Variants in NPPA observed in about 807,000 individuals in gnomAD.
NPPA encodes natriuretic peptide A.
In NPPA, 10 loss-of-function variants were observed where a neutral mutation model predicts 12.2. The observed-to-expected ratio is 0.82, with a 90% CI of 0.50 to 1.38. NPPA has a LOEUF of 1.38. NPPA is among the 40% of genes most tolerant of loss of function. The probability of loss-of-function intolerance (pLI) is 0.00; values close to 1 mark genes in which losing one functional copy is unlikely to be tolerated. For synonymous variants in NPPA, 85 were observed against 80.2 expected, an observed-to-expected ratio of 1.06 and a Z score of -0.32; for missense variants, 207 against 193.5, an observed-to-expected ratio of 1.07 and a Z score of -0.41.
Position 11,847,222 on chromosome 1 carries a change from T to C in NPPA, c.341A>G (p.Lys114Arg), listed in dbSNP as rs1253492578. ...AGGGGCAGTGAGCAGCGCCCTCAGC[T>C]TGCTTTTTAGGAGGGCAGATCGATC... Reference protein sequence around the residue: ...SSDRSALLKSKLRALLTAPRS... With the variant: ...SSDRSALLKSRLRALLTAPRS... The change falls in exon 2 of 3, where the codon AAG (lysine) becomes AGG (arginine). Residue 114 changes from lysine (K) to arginine (R), a missense_variant. By Grantham distance (26) the Lys-to-Arg change is conservative. Coordinates refer to ENST00000376480, the MANE Select transcript of NPPA (RefSeq NM_006172.4). 2 of 1,612,022 alleles carry C rather than the reference T, an allele frequency of 1.2e-6. No individual in the cohort carries two copies. The highest frequency in any genetic ancestry group is 3.3e-5 in the Admixed American group (2 of 59,948).
At position 11,847,657 on chromosome 1, in the gene NPPA, T is replaced by G. The variant is rs1645079317; in HGVS notation, c.28A>C (p.Ser10Arg). 6.2e-7 allele frequency: 1 copy of G among 1,614,080 alleles called. No homozygotes were observed. Among genetic ancestry groups the G allele is most frequent in the South Asian group, 1.1e-5 (1 of 91,068 alleles). MSSFSTTTV[S>R]FLLLLAFQLL... is the part of the protein sequence containing the mutation. Reference sequence around the variant, plus strand: ...TGGAATGCCAGTAAAAGGAGGAAGCTCACGGTGGTGGTGGAGAAGGAGCTC... The same window carrying G: ...TGGAATGCCAGTAAAAGGAGGAAGCGCACGGTGGTGGTGGAGAAGGAGCTC... The change falls in exon 1 of 3, where the codon AGC (serine) becomes CGC (arginine). Residue 10 changes from serine to arginine, a missense_variant. Ser to Arg is a moderately radical substitution (Grantham distance 110). Coordinates refer to ENST00000376480, the MANE Select transcript of NPPA (RefSeq NM_006172.4).
At position 11,847,094 on chromosome 1, in the gene NPPA, C is replaced by A; in HGVS notation, c.450+19G>T. 1 of 1,517,216 alleles carries A rather than the reference C, an allele frequency of 6.6e-7. No homozygotes were observed. 94.0% of individuals were successfully genotyped at this position (1,517,216 alleles called of 1,614,324 possible). A position where few individuals can be genotyped will look rare whatever the true frequency, so the allele number is the denominator to read the frequency against. Reference sequence around the variant, plus strand: ...AGTAGTGTCCATCCCATCCCATTTCCATCCCCAGTTCCTCTTACCCGGAAG... The same window carrying A: ...AGTAGTGTCCATCCCATCCCATTTCAATCCCCAGTTCCTCTTACCCGGAAG... On this transcript the variant is annotated intron_variant, in intron 2 of 2. Coordinates refer to ENST00000376480, the MANE Select transcript of NPPA (RefSeq NM_006172.4).
Position 11,847,213 on chromosome 1 carries a change from G to T in NPPA, c.350C>A (p.Ala117Glu), listed in dbSNP as rs72639212. 1 of 1,611,314 alleles carries T rather than the reference G, an allele frequency of 6.2e-7. No homozygotes were observed. The highest frequency in any genetic ancestry group is 8.5e-7 in the Non-Finnish European group (1 of 1,177,836). The change falls in exon 2 of 3, where the codon GCG (alanine) becomes GAG (glutamate). Residue 117 changes from alanine to glutamate, a missense_variant. Coordinates refer to ENST00000376480, the MANE Select transcript of NPPA (RefSeq NM_006172.4). ...CAGGCTCCGAGGGGCAGTGAGCAGC[G>T]CCCTCAGCTTGCTTTTTAGGAGGGC... ...RSALLKSKLR[A>E]LLTAPRSLRR...
intron 2 of NPPA, among the ~76,000 whole-genome samples, chr1:11,846,779 C>G (rs1645071543): frequency 6.6e-6 from 1 of 151,432 alleles, no homozygotes; most frequent in Non-Finnish European, 1.5e-5. Flanking sequence ...CCACACCCAG[C>G]TAATTTTTGT....
At position 11,847,310 on chromosome 1, in the gene NPPA, C is replaced by T. The variant is rs749353276; in HGVS notation, c.253G>A (p.Gly85Arg). ...SPLPEVPPWT[G>R]EVSPAQRDGG... The stretch of plus-strand genomic sequence containing the variant: ...TCTCTCTGGGCTGGGCTGACTTCCC[C>T]GGTCCAGGGAGGCACCTCAGGGAGG... Residue 85 changes from glycine to arginine, a missense_variant, in exon 2 of 3, where the codon GGG becomes AGG. Transcript: ENST00000376480. 32 of 1,613,428 alleles carry T rather than the reference C, an allele frequency of 2.0e-5. No individual in the cohort carries two copies. The highest frequency in any genetic ancestry group is 1.7e-4 in the Admixed American group (10 of 59,980).
intron 2 of NPPA, among the ~76,000 whole-genome samples, chr1:11,846,658 T>C (rs1645070872): frequency 1.6e-5 from 2 of 127,586 alleles, no homozygotes; most frequent in South Asian, 2.7e-4. Flanking sequence ...CTCTATCACC[T>C]AGGCTGGACT....
At position 11,845,755 on chromosome 1, in the gene NPPA, T is replaced by C. The variant is rs1156729224; in HGVS notation, c.*254A>G. ...TGAAGTTTATTCACTTTCAAACCAC[T>C]TTCAGTAACAGGTGAGGTTCTACCT... On this transcript the variant is annotated 3_prime_UTR_variant, in exon 3 of 3. Coordinates refer to ENST00000376480, the MANE Select transcript of NPPA (RefSeq NM_006172.4). The C allele has an allele frequency of 1.8e-6, 1 of 557,910 alleles. No individual in the cohort carries two copies. The highest frequency in any genetic ancestry group is 3.0e-5 in the Admixed American group (1 of 33,468). The allele number at this position is 557,910 out of a possible 1,614,324, so 34.6% of individuals were successfully genotyped here.
chr1:11,847,514 A>C (rs1470144332), intron 1 of NPPA, 48 bp downstream of exon 1: 18 of 1,614,084 alleles, frequency 1.1e-5, no homozygotes, highest in Non-Finnish European at 1.4e-5. Context: ...TGAGCACAGC[A>C]TCAGAAAGCC....
Position 11,847,358 on chromosome 1 carries a change from C to T in NPPA, c.205G>A (p.Glu69Lys), listed in dbSNP as rs1645076326. Residue 69 changes from glutamate to lysine, a missense_variant, in exon 2 of 3, where the codon GAA becomes AAA. Coordinates refer to ENST00000376480, the MANE Select transcript of NPPA (RefSeq NM_006172.4). ...AGGGGGCTGAGAGCAGCCCCCGCTTCTTCATTCGGCTCACTGAGCACTTGT... is the reference window on the plus strand; with the variant it reads ...AGGGGGCTGAGAGCAGCCCCCGCTTTTTCATTCGGCTCACTGAGCACTTGT... ...PPQVLSEPNE[E>K]AGAALSPLPE... is the part of the protein sequence containing the mutation. 2 of 1,613,760 alleles carry T rather than the reference C, an allele frequency of 1.2e-6. No homozygotes were observed. Among genetic ancestry groups the T allele is most frequent in the Admixed American group, 1.7e-5 (1 of 59,956 alleles).
rs70987207 is a variant in NPPA at position 11,846,619 on chromosome 1, C to CTTTTTTT, written c.450+487_450+493dup. 5.1e-4 allele frequency among the ~76,000 whole-genome samples: 57 copies of CTTTTTTT among 111,710 alleles called. 6 individuals carry two copies. The highest frequency in any genetic ancestry group is 6.2e-3 in the Middle Eastern group (1 of 162). 73.3% of individuals were successfully genotyped at this position (111,710 alleles called of 152,430 possible). ...ACAGGCGTGAGCCACCGTGCCTGGC[C>CTTTTTTT]TTTTTTTTTTTTTTTTGAGACAGTC... On this transcript the variant is annotated intron_variant, in intron 2 of 2. Transcript: ENST00000376480.
chr1:11,847,775 C>T lies in NPPA; in HGVS notation c.-91G>A, dbSNP rs1645080379. On this transcript the variant is annotated 5_prime_UTR_variant, in exon 1 of 3. Coordinates refer to ENST00000376480, the MANE Select transcript of NPPA (RefSeq NM_006172.4). ...TTCCCCTCTCTTGGCCTACGTCTGTCCCTGTCTCCCAGCTGCCCAGTGCCG... is the reference window on the plus strand; with the variant it reads ...TTCCCCTCTCTTGGCCTACGTCTGTTCCTGTCTCCCAGCTGCCCAGTGCCG... 24 of 1,589,266 alleles carry T rather than the reference C, an allele frequency of 1.5e-5. 1 individual carries two copies. The South Asian group carries it at 2.5e-4, about 17-fold the overall frequency.
chr1:11,847,455 A>T lies in NPPA; in HGVS notation c.124-16T>A, dbSNP rs1467773587. ...CCAGCAAATTCTTTAGAAAAGGAAA[A>T]TACAGGGAAAGGGATAAACCTCACT... On this transcript the variant is annotated splice_polypyrimidine_tract_variant and intron_variant, in intron 1 of 2. Transcript: ENST00000376480. 1 of 1,614,114 alleles carries T rather than the reference A, an allele frequency of 6.2e-7. No individual in the cohort carries two copies. Among genetic ancestry groups the T allele is most frequent in the Non-Finnish European group, 8.5e-7 (1 of 1,180,004 alleles).
intron 2 of NPPA, 116 bp from the exon 3 acceptor site, chr1:11,846,130 C>T (rs1025342737): frequency 4.1e-6 from 4 of 967,156 alleles, no homozygotes; most frequent in Non-Finnish European, 6.8e-6. Context: ...TGCTTCCCAC[C>T]GGCCCCCACC....
At position 11,847,394 on chromosome 1, in the gene NPPA, C is replaced by T; in HGVS notation, c.169G>A (p.Val57Ile). The change falls in exon 2 of 3, where the codon GTC becomes ATC. Residue 57 changes from valine (V) to isoleucine (I), a missense_variant. Transcript: ENST00000376480. Reference sequence around the variant, plus strand: ...TCACTGAGCACTTGTGGGGGCACGACCTCATCTTCTAAAGGCATCTTTTCT... The same window carrying T: ...TCACTGAGCACTTGTGGGGGCACGATCTCATCTTCTAAAGGCATCTTTTCT... ...LEEKMPLEDE[V>I]VPPQVLSEPN... is the part of the protein sequence containing the mutation. 3 of 1,614,038 alleles carry T rather than the reference C, an allele frequency of 1.9e-6. No homozygotes were observed. Among genetic ancestry groups the T allele is most frequent in the South Asian group, 1.1e-5 (1 of 91,082 alleles).
At chr1:11,846,911 G>GCCC (rs67372226) in intron 2 of NPPA, among the ~76,000 whole-genome samples, 3 of 138,968 alleles carry the variant, frequency 2.2e-5, no homozygotes, top group South Asian at 2.4e-4. Context: ...ACTGTGCCCA[G>GCCC]CCCCCCCCCC....
rs978766447 is a variant in NPPA at position 11,847,191 on chromosome 1, G to T, written c.372C>A (p.Ser124Arg). ...CCCCGAAGCAGCTGGATCTCCGCAG[G>T]CTCCGAGGGGCAGTGAGCAGCGCCC... ...KLRALLTAPRSLRRSSCFGGR... is the reference protein window; with the variant it reads ...KLRALLTAPRRLRRSSCFGGR... Residue 124 changes from serine to arginine, a missense_variant, in exon 2 of 3, where the codon AGC becomes AGA. Ser to Arg is a moderately radical substitution (Grantham distance 110). Transcript: ENST00000376480. 7.5e-6 allele frequency: 12 copies of T among 1,603,280 alleles called. No homozygotes were observed. The highest frequency in any genetic ancestry group is 8.5e-6 in the Non-Finnish European group (10 of 1,171,962).
chr1:11,846,919 C>A (rs984766208), intron 2 of NPPA, among the ~76,000 whole-genome samples, 194 bp downstream of exon 2: 6 of 147,350 alleles, frequency 4.1e-5, no homozygotes, highest in African/African-American at 7.3e-5. Context: ...CAGCCCCCCC[C>A]CCTTTTTTTT....
intron 2 of NPPA, 149 bp downstream of exon 2, chr1:11,846,964 T>A: frequency 9.3e-6 from 3 of 324,254 alleles, no homozygotes; most frequent in Non-Finnish European, 1.7e-5. Flanking sequence ...CTAAGGACAA[T>A]AGATGGCATG....
chr1:11,846,919 C>CG (rs1217845092), intron 2 of NPPA, among the ~76,000 whole-genome samples, 194 bp downstream of exon 2: 1 of 147,350 alleles, frequency 6.8e-6, no homozygotes, highest in Non-Finnish European at 1.5e-5. Flanking sequence ...CAGCCCCCCC[C>CG]CCTTTTTTTT....
Sources: allele counts gnomAD v4.1 joint callset (sites outside exome capture counted in the v4.1 genomes callset), GRCh38; gene constraint gnomAD v4.1.1; transcripts MANE v1.5; gene names NCBI Gene and HGNC (gene_info 2026-07-23, HGNC 2026-07-21).